Variants in HTRA4 observed in about 807,000 individuals in gnomAD.
HTRA4 encodes the protein HtrA serine peptidase 4, also known as serine protease HTRA4.
HTRA4 carries 46 observed loss-of-function variants against 49.1 expected under a neutral mutation model. The ratio of observed to expected loss-of-function variants is 0.94; its 90% CI spans 0.74 to 1.20. The LOEUF (loss-of-function observed/expected upper bound fraction) is 1.20. Among genes scored for constraint, HTRA4 ranks in the 50% most tolerant of loss-of-function variants. The pLI is 0.00. For synonymous variants in HTRA4, 261 were observed against 264.0 expected, an observed-to-expected ratio of 0.99 and a Z score of 0.11; for missense variants, 602 against 636.9, an observed-to-expected ratio of 0.95 and a Z score of 0.59.
intron 8 of HTRA4, among the ~76,000 whole-genome samples, chr8:38,984,410 C>G (rs1225432350): frequency 6.6e-6 from 1 of 151,262 alleles, no homozygotes; most frequent in African/African-American, 2.4e-5. Context: ...CCTGAGAGTT[C>G]GAGACCAGCC....
chr8:38,979,638 T>C (rs1308253213), intron 5 of HTRA4, among the ~76,000 whole-genome samples: 3 of 152,212 alleles, frequency 2.0e-5, no homozygotes, highest in Non-Finnish European at 4.4e-5. Context: ...CCCCGTGCTT[T>C]CTGTTTTCAT....
chr8:38,976,462 C>A, intron 2 of HTRA4, 73 bp from the exon 3 acceptor site: 1 of 1,376,780 alleles, frequency 7.3e-7, no homozygotes, highest in Non-Finnish European at 1.0e-6. Flanking sequence ...GTGAGGTTCC[C>A]ATGACTCAGA....
At chr8:38,983,179 CA>C in intron 8 of HTRA4, 131 bp downstream of exon 8, 1 of 493,238 alleles carries the variant, frequency 2.0e-6, no homozygotes. Flanking sequence ...ATGTACTGAG[CA>C]CATGAAATGT....
At chr8:38,976,794 T>C in intron 3 of HTRA4, 55 bp downstream of exon 3, 1 of 1,562,610 alleles carries the variant, frequency 6.4e-7, no homozygotes, top group Admixed American at 1.8e-5. Flanking sequence ...TTTATCTATT[T>C]GCTGATATTT....
rs754964246 is a variant in HTRA4, at chr8:38,981,731, C to T, written c.1078C>T (p.Gln360Ter). 1.2e-6 allele frequency: 2 copies of T among 1,613,014 alleles called. No individual in the cohort carries two copies. The highest frequency in any genetic ancestry group is 1.3e-5 in the African/African-American group (1 of 74,692). Residue 360 changes from glutamine to a stop codon, truncating the protein, a stop_gained, in exon 6 of 9, where the codon CAG (glutamine) becomes TAG (stop). Coordinates refer to ENST00000302495, the MANE Select transcript of HTRA4 (RefSeq NM_153692.4). LOFTEE classifies it high-confidence loss of function. Reference sequence around the variant, plus strand: ...TGCAATTCCTTCAGATCGAGTTAGGCAGTTCTTGGCAGAATACCATGAGCA... The same window carrying T: ...TGCAATTCCTTCAGATCGAGTTAGGTAGTTCTTGGCAGAATACCATGAGCA... ...SFAIPSDRVR[Q>*]FLAEYHEHQM...
Position 38,976,638 on chromosome 8 carries a change from C to G in HTRA4, c.670C>G (p.Gln224Glu). ...CAATGCCCATGTTGTCAGGAACCAG[C>G]AGTGGATTGAGGTGGTGCTCCAGAA... The part of the protein sequence containing the change: ...ITNAHVVRNQ[Q>E]WIEVVLQNGA... Residue 224 changes from glutamine (Q) to glutamate (E), a missense_variant, in exon 3 of 9, where the codon CAG (glutamine) becomes GAG (glutamate). Transcript: ENST00000302495. The G allele has an allele frequency of 6.2e-7, 1 of 1,614,142 alleles. No homozygotes were observed. Among genetic ancestry groups the G allele is most frequent in the East Asian group, 2.2e-5 (1 of 44,880 alleles).
In HTRA4 at chr8:38,975,104, G is replaced by A. The variant is rs1286872309; in HGVS notation, c.540G>A (p.Ser180=). The change falls in exon 2 of 9, where the codon TCG becomes TCA. Residue 180 remains serine (S), a synonymous_variant. Coordinates refer to ENST00000302495, the MANE Select transcript of HTRA4 (RefSeq NM_153692.4). ...IAAVVEKVAP[S]VVHVQLWGRL... ...CGGTGGTGGAGAAGGTGGCGCCATCGGTGGTTCACGTGCAGCTGTGGGGCA... is the reference window on the plus strand; with the variant it reads ...CGGTGGTGGAGAAGGTGGCGCCATCAGTGGTTCACGTGCAGCTGTGGGGCA... 3 of 1,613,842 alleles carry A rather than the reference G, an allele frequency of 1.9e-6. No homozygotes were observed. The East Asian group carries it at 6.7e-5, about 36-fold the overall frequency.
intron 5 of HTRA4, among the ~76,000 whole-genome samples, chr8:38,981,078 T>G (rs1011818652): frequency 2.9e-5 from 3 of 104,446 alleles, no homozygotes; most frequent in African/African-American, 8.0e-5. Flanking sequence ...TTTTTTTTTT[T>G]TTTTTTTTTT....
At chr8:38,980,345 A>G (rs1186527336) in intron 5 of HTRA4, among the ~76,000 whole-genome samples, 1 of 151,830 alleles carries the variant, frequency 6.6e-6, no homozygotes, top group Non-Finnish European at 1.5e-5. Flanking sequence ...CCATTAGACA[A>G]TGAGTTTACT....
At chr8:38,974,913 C>A in intron 1 of HTRA4, 118 bp from the exon 2 acceptor site, 3 of 1,286,252 alleles carry the variant, frequency 2.3e-6, no homozygotes, top group Non-Finnish European at 3.3e-6. Flanking sequence ...CCGGCTGCTA[C>A]GTGGTTTCTC....
chr8:38,986,819 G>T (rs1182039968), intron 8 of HTRA4, among the ~76,000 whole-genome samples: 1 of 152,214 alleles, frequency 6.6e-6, no homozygotes, highest in East Asian at 1.9e-4. Flanking sequence ...GAAAGACCCA[G>T]GATGAAATCC....
intron 8 of HTRA4, among the ~76,000 whole-genome samples, chr8:38,985,858 T>G (rs1371469797): frequency 6.6e-6 from 1 of 152,238 alleles, no homozygotes. Context: ...AGGTGATTCA[T>G]GTGTATGTTA....
chr8:38,975,594 G>A (rs1329797764), intron 2 of HTRA4, among the ~76,000 whole-genome samples: 1 of 152,066 alleles, frequency 6.6e-6, no homozygotes, highest in Non-Finnish European at 1.5e-5. Flanking sequence ...TTTTTTTGTA[G>A]AGACGAGGTC....
rs1244709815 is a variant in HTRA4 at position 38,988,273 on chromosome 8, G to A, written c.*175G>A. On this transcript the variant is annotated 3_prime_UTR_variant, in exon 9 of 9. Transcript: ENST00000302495. ...ATGACAGACTGGATAAAGCAAATGT[G>A]GTACATATACACCATGGAATACTAT... is the stretch of plus-strand genomic sequence containing the variant. 7.0e-6 allele frequency: 4 copies of A among 571,908 alleles called. No homozygotes were observed. Among genetic ancestry groups the A allele is most frequent in the Non-Finnish European group, 1.2e-5 (4 of 331,844 alleles). The allele number at this position is 571,908 out of a possible 1,614,324, so 35.4% of individuals were successfully genotyped here.
rs1401100196 is a variant in HTRA4 at position 38,974,509 on chromosome 8, G to A, written c.246G>A (p.Gly82=). The A allele has an allele frequency of 1.4e-6, 2 of 1,473,418 alleles. No individual in the cohort carries two copies. The highest frequency in any genetic ancestry group is 1.3e-5 in the South Asian group (1 of 75,204). 91.3% of individuals were successfully genotyped at this position (1,473,418 alleles called of 1,614,324 possible). A position where few individuals can be genotyped will look rare whatever the true frequency, so the allele number is the denominator to read the frequency against. The change falls in exon 1 of 9, where the codon GGG becomes GGA. Residue 82 remains glycine, a synonymous_variant. Transcript: ENST00000302495. ...CGGCCGAGCGTGAAGTCTGCGGCGG[G>A]GCGCAGGGCCAACCGTGCGCCCCGG... ...CPAAEREVCG[G]AQGQPCAPGL...
In HTRA4 at chr8:38,974,904, C is replaced by T. The variant is rs1835326879; in HGVS notation, c.467-127C>T. ...TTCCTCCTTAACAGGGGCTCTTTAC[C>T]GGCTGCTACGTGGTTTCTCCCTCCC... On this transcript the variant is annotated intron_variant, in intron 1 of 8. Transcript: ENST00000302495. The T allele has an allele frequency of 1.6e-6, 2 of 1,245,456 alleles. 1 individual carries two copies. Among genetic ancestry groups the T allele is most frequent in the South Asian group, 2.7e-5 (2 of 74,750 alleles). The allele number at this position is 1,245,456 out of a possible 1,614,324, so 77.2% of individuals were successfully genotyped here.
At chr8:38,983,970 A>G (rs1046935287) in intron 8 of HTRA4, among the ~76,000 whole-genome samples, 1 of 151,830 alleles carries the variant, frequency 6.6e-6, no homozygotes, top group African/African-American at 2.4e-5. Flanking sequence ...ATTAACACCT[A>G]TTAGGTATTA....
At position 38,974,595 on chromosome 8, in the gene HTRA4, T is replaced by G. The variant is rs1244976553; in HGVS notation, c.332T>G (p.Leu111Arg). The G allele has an allele frequency of 7.0e-7, 1 of 1,425,800 alleles. No individual in the cohort carries two copies. The highest frequency in any genetic ancestry group is 1.5e-5 in the African/African-American group (1 of 66,748). The allele number at this position is 1,425,800 out of a possible 1,614,324, so 88.3% of individuals were successfully genotyped here. A position where few individuals can be genotyped will look rare whatever the true frequency, so the allele number is the denominator to read the frequency against. The change falls in exon 1 of 9, where the codon CTG becomes CGG. Residue 111 changes from leucine (L) to arginine (R), a missense_variant. Physicochemically the swap from Leu to Arg is moderately radical, Grantham distance 102 (BLOSUM62 -2). Transcript: ENST00000302495. ...GFPSTCGCPTLGGAVCGSDRR... is the reference protein window; with the variant it reads ...GFPSTCGCPTRGGAVCGSDRR... ...CCCAGCACCTGCGGTTGCCCGACGC[T>G]GGGAGGGGCCGTGTGCGGCAGCGAC...
At position 38,975,037 on chromosome 8, in the gene HTRA4, G is replaced by A. The variant is rs749181463; in HGVS notation, c.473G>A (p.Arg158Lys). Residue 158 changes from arginine to lysine, a missense_variant, in exon 2 of 9, where the codon AGA (arginine) becomes AAA (lysine). Arg to Lys is a conservative substitution (Grantham distance 26). Coordinates refer to ENST00000302495, the MANE Select transcript of HTRA4 (RefSeq NM_153692.4). The part of the protein sequence containing the change: ...QWGNCGDTGT[R>K]SAGPLRRNYN... ...AGCCAGTATTTTTTCATAGGGACCA[G>A]AAGCGCAGGCCCGCTCAGGAGGAAT... 1.2e-6 allele frequency: 2 copies of A among 1,614,120 alleles called. No homozygotes were observed. Among genetic ancestry groups the A allele is most frequent in the Non-Finnish European group, 1.7e-6 (2 of 1,180,032 alleles).
Sources: allele counts gnomAD v4.1 joint callset (sites outside exome capture counted in the v4.1 genomes callset), GRCh38; gene constraint gnomAD v4.1.1; transcripts MANE v1.5; gene names NCBI Gene and HGNC (gene_info 2026-07-23, HGNC 2026-07-21).